TNR: variants seen among roughly 807,000 people sequenced by gnomAD.
TNR encodes tenascin R.
TNR carries 45 observed loss-of-function variants against 150.4 expected under a neutral mutation model. The observed-to-expected ratio is 0.30, with a 90% CI of 0.24 to 0.38. The LOEUF is 0.38. TNR is among the 10% of genes least tolerant of loss of function. The pLI is 1.00. For missense variants in TNR, 1,544 were observed against 1,759.1 expected (o/e 0.88, Z 2.19); for synonymous variants, 687 against 678.4 (o/e 1.01, Z -0.20).
intron 2 of TNR, among the ~76,000 whole-genome samples, chr1:175,501,687 CCTT>C (rs1244306316): frequency 6.6e-6 from 1 of 152,252 alleles, no homozygotes; most frequent in Non-Finnish European, 1.5e-5. Flanking sequence ...CTCCTTCCTT[CCTT>C]CTTCTTAACT....
Position 175,467,291 on chromosome 1 carries a change from C to T in TNR, c.-63-60514G>A, listed in dbSNP as rs754599507. ...CCCACCGTCCACCTCTCCCACCCCA[C>T]CAGCAAGTGCCAAGCTTGGAGTAGT... On this transcript the variant is annotated intron_variant, in intron 2 of 22. Coordinates refer to ENST00000367674, the MANE Select transcript of TNR (RefSeq NM_003285.3). Among the ~76,000 whole-genome samples the T allele has an allele frequency of 2.6e-5, 4 of 152,274 alleles. No individual in the cohort carries two copies. The South Asian group carries it at 8.3e-4, about 32-fold the overall frequency.
chr1:175,656,190 GTA>G (rs1310962800), intron 1 of TNR, among the ~76,000 whole-genome samples: 264 of 135,016 alleles, frequency 2.0e-3, no homozygotes, highest in African/African-American at 4.9e-3. Context: ...GTGTGTGTGT[GTA>G]TGTGGTCTAC....
intron 2 of TNR, among the ~76,000 whole-genome samples, chr1:175,411,020 T>G (rs1654187999): frequency 6.6e-6 from 1 of 152,164 alleles, no homozygotes; most frequent in African/African-American, 2.4e-5. Flanking sequence ...TTGCTAAAAC[T>G]ATGATATGTG....
In TNR at chr1:175,472,904, T is replaced by C. The variant is rs533232077; in HGVS notation, c.-64+55365A>G. ...CCACTGTCTGTCTCATAGCCCATCT[T>C]TGTGCCTGATAAGCAGGGGTATCTA... On this transcript the variant is annotated intron_variant, in intron 2 of 22. Transcript: ENST00000367674. 2.6e-5 allele frequency among the ~76,000 whole-genome samples: 4 copies of C among 152,330 alleles called. No individual in the cohort carries two copies. The East Asian group carries it at 7.7e-4, about 29-fold the overall frequency.
intron 20 of TNR, among the ~76,000 whole-genome samples, chr1:175,332,180 A>G (rs1256201609): frequency 6.6e-6 from 1 of 152,128 alleles, no homozygotes; most frequent in African/African-American, 2.4e-5. Flanking sequence ...CTGGAAGCTA[A>G]GCTCTCTCCC....
intron 1 of TNR, among the ~76,000 whole-genome samples, chr1:175,654,327 C>A (rs1665104160): frequency 6.6e-6 from 1 of 152,164 alleles, no homozygotes; most frequent in African/African-American, 2.4e-5. Context: ...TAGTACTTGT[C>A]ATAGATAACA....
chr1:175,507,606 C>T (rs762372981), intron 2 of TNR, among the ~76,000 whole-genome samples: 19 of 152,054 alleles, frequency 1.2e-4, no homozygotes, highest in Non-Finnish European at 2.6e-4. Context: ...ATAGCCTCAA[C>T]CTTATTCTTG....
At position 175,323,496 on chromosome 1, in the gene TNR, G is replaced by A; in HGVS notation, c.3958-20C>T. On this transcript the variant is annotated intron_variant, in intron 22 of 22. Coordinates refer to ENST00000367674, the MANE Select transcript of TNR (RefSeq NM_003285.3). ...GATGCCCTGGGCGTGAGAAAGATAA[G>A]CATGTCAGGTCATCCCCCACCATGG... The A allele has an allele frequency of 3.7e-6, 6 of 1,612,550 alleles. No homozygotes were observed. Among genetic ancestry groups the A allele is most frequent in the Non-Finnish European group, 4.2e-6 (5 of 1,179,010 alleles).
intron 1 of TNR, among the ~76,000 whole-genome samples, chr1:175,626,014 T>C (rs1173668085): frequency 6.6e-6 from 1 of 152,138 alleles, no homozygotes; most frequent in Non-Finnish European, 1.5e-5. Flanking sequence ...CCTGTGCTAT[T>C]CTCATGATAG....
intron 1 of TNR, among the ~76,000 whole-genome samples, chr1:175,638,601 G>A (rs920318536): frequency 4.6e-5 from 7 of 152,146 alleles, no homozygotes; most frequent in Admixed American, 1.3e-4. Context: ...CAGATAACAA[G>A]GGCCTGCACA....
intron 1 of TNR, among the ~76,000 whole-genome samples, chr1:175,571,877 C>A (rs1440917950): frequency 3.3e-5 from 5 of 152,202 alleles, no homozygotes; most frequent in Non-Finnish European, 7.3e-5. Flanking sequence ...AACCCTGGCA[C>A]AACCACCAGA....
At chr1:175,417,307 G>T (rs1282662935) in intron 2 of TNR, among the ~76,000 whole-genome samples, 1 of 152,142 alleles carries the variant, frequency 6.6e-6, no homozygotes, top group Non-Finnish European at 1.5e-5. Context: ...GGGGATGGTG[G>T]AGGGTGGAGA....
intron 1 of TNR, among the ~76,000 whole-genome samples, chr1:175,656,141 AGTGTGTGTGTGTGTGT>A (rs575020723): frequency 0.011 from 1,386 of 123,944 alleles, 29 homozygotes; most frequent in African/African-American, 0.038. Context: ...GGAAGGTTGA[AGTGTGTGTGTGTGTGT>A]GTGTGTGTGT....
At chr1:175,477,059 T>C (rs992869376) in intron 2 of TNR, among the ~76,000 whole-genome samples, 1 of 152,188 alleles carries the variant, frequency 6.6e-6, no homozygotes, top group Non-Finnish European at 1.5e-5. Context: ...ATTTTGGTGA[T>C]ACACTAGCAA....
intron 1 of TNR, among the ~76,000 whole-genome samples, chr1:175,616,750 C>G (rs1663790319): frequency 6.6e-6 from 1 of 152,122 alleles, no homozygotes; most frequent in South Asian, 2.1e-4. Context: ...GAGTTGAGAA[C>G]TGGGAAAACT....
intron 1 of TNR, among the ~76,000 whole-genome samples, chr1:175,731,723 T>A (rs1252960127): frequency 6.6e-6 from 1 of 152,176 alleles, no homozygotes; most frequent in East Asian, 1.9e-4. Flanking sequence ...CTGTGGGTAG[T>A]TGTTCCAAGA....
intron 2 of TNR, among the ~76,000 whole-genome samples, chr1:175,527,858 A>T (rs1183906802): frequency 6.6e-6 from 1 of 152,156 alleles, no homozygotes; most frequent in African/African-American, 2.4e-5. Context: ...TTTTTTCATA[A>T]TACTTTATTA....
intron 20 of TNR, among the ~76,000 whole-genome samples, chr1:175,331,451 G>A (rs1328216906): frequency 6.6e-6 from 1 of 152,020 alleles, no homozygotes; most frequent in African/African-American, 2.4e-5. Context: ...TTTTAGTAAA[G>A]ATGGGGTTTC....
chr1:175,394,556 C>T (rs2629483), intron 5 of TNR, among the ~76,000 whole-genome samples: 72,420 of 151,998 alleles, frequency 0.48, 17,610 homozygotes, highest in East Asian at 0.62. Context: ...CATACACATG[C>T]ACAGGTTTTG....
Sources: gnomAD v4.1 joint callset for allele counts (sites outside exome capture counted in the v4.1 genomes callset) on GRCh38, gnomAD v4.1.1 for gene constraint, MANE v1.5 for transcripts, NCBI Gene and HGNC (gene_info 2026-07-23, HGNC 2026-07-21) for gene names.